Variants in KALRN observed in about 807,000 individuals in gnomAD.
KALRN encodes the protein kalirin RhoGEF kinase.
A neutral mutation model predicts 353.7 loss-of-function variants in KALRN; 70 were observed. The observed-to-expected ratio is 0.20, with a 90% CI of 0.16 to 0.24. The LOEUF is 0.24. Among genes scored for constraint, KALRN ranks in the 10% least tolerant of loss-of-function variants. The pLI, the probability that KALRN is intolerant of heterozygous loss-of-function variation, is 1.00. For missense variants in KALRN, 2,791 were observed against 3,756.7 expected, an observed-to-expected ratio of 0.74 and a Z score of 6.72; for synonymous variants, 1,391 against 1,434.8, an observed-to-expected ratio of 0.97 and a Z score of 0.69.
intron 34 of KALRN, among the ~76,000 whole-genome samples, chr3:124,630,653 C>CT (rs911775244): frequency 6.6e-6 from 1 of 152,180 alleles, no homozygotes; most frequent in East Asian, 1.9e-4. Context: ...CAAGTTAACT[C>CT]TTTAAGTCTG....
intron 5 of KALRN, among the ~76,000 whole-genome samples, chr3:124,296,428 G>C (rs1370130032): frequency 6.6e-6 from 1 of 152,140 alleles, no homozygotes; most frequent in Non-Finnish European, 1.5e-5. Context: ...CCTGCTCCCA[G>C]TAGCTCTCAA....
intron 1 of KALRN, among the ~76,000 whole-genome samples, 196 bp from the exon 2 acceptor site, chr3:124,227,794 C>G (rs1050670806): frequency 3.4e-5 from 5 of 146,888 alleles, no homozygotes; most frequent in African/African-American, 1.3e-4. Context: ...CAGCCCTGAT[C>G]ACCCCTATGG....
chr3:124,313,476 G>C (rs948987268), intron 6 of KALRN, among the ~76,000 whole-genome samples: 1 of 152,166 alleles, frequency 6.6e-6, no homozygotes, highest in African/African-American at 2.4e-5. Context: ...CTTTTCTTCT[G>C]ACTCAGTAGG....
chr3:124,481,298 C>G (rs1220716200), intron 27 of KALRN, among the ~76,000 whole-genome samples: 5 of 152,158 alleles, frequency 3.3e-5, no homozygotes, highest in Non-Finnish European at 7.3e-5. Flanking sequence ...CCTTGACCTT[C>G]TGGGCTCAAG....
In KALRN at chr3:124,330,246, TCACACACA is replaced by T. The variant is rs774251256; in HGVS notation, c.1416+288_1416+295del. On this transcript the variant is annotated intron_variant, in intron 8 of 59. Transcript: ENST00000682506. Reference sequence around the variant, plus strand: ...CGCATTCATTCTCTCTCTCTCTCTCTCACACACACACACACACACACACACACACACAC... The same window carrying T: ...CGCATTCATTCTCTCTCTCTCTCTCTCACACACACACACACACACACACAC... Among the ~76,000 whole-genome samples, 386 of 134,360 alleles carry T rather than the reference TCACACACA, an allele frequency of 2.9e-3. 1 individual carries two copies. The highest frequency in any genetic ancestry group is 6.3e-3 in the African/African-American group (230 of 36,390). 88.1% of individuals were successfully genotyped at this position (134,360 alleles called of 152,430 possible).
At chr3:124,525,794 A>C (rs1245849006) in intron 33 of KALRN, among the ~76,000 whole-genome samples, 1 of 152,172 alleles carries the variant, frequency 6.6e-6, no homozygotes, top group Non-Finnish European at 1.5e-5. Context: ...TTCTGGGACT[A>C]TTCAACCAAC....
intron 37 of KALRN, among the ~76,000 whole-genome samples, chr3:124,638,928 C>T (rs142884027): frequency 7.6e-4 from 116 of 152,164 alleles, no homozygotes; most frequent in African/African-American, 2.6e-3. Flanking sequence ...TGGGGGTACA[C>T]GAGCAAAATT....
At chr3:124,181,506 C>G (rs1003373352) in intron 1 of KALRN, among the ~76,000 whole-genome samples, 4 of 152,086 alleles carry the variant, frequency 2.6e-5, no homozygotes, top group African/African-American at 9.7e-5. Flanking sequence ...TTAAAAGTTG[C>G]TGGCTTTGGT....
At chr3:124,709,032 A>T (rs527840988) in intron 57 of KALRN, among the ~76,000 whole-genome samples, 4 of 152,296 alleles carry the variant, frequency 2.6e-5, no homozygotes, top group African/African-American at 9.6e-5. Context: ...TCTAGCAAAA[A>T]TATCCTCCAG....
At chr3:124,089,070 A>C (rs1432190504) in intron 1 of KALRN, among the ~76,000 whole-genome samples, 1 of 152,188 alleles carries the variant, frequency 6.6e-6, no homozygotes, top group Non-Finnish European at 1.5e-5. Flanking sequence ...GGACTAAAGC[A>C]AAAAAGGGAC....
At position 124,642,806 on chromosome 3, in the gene KALRN, G is replaced by GTTTTTTTTTTGTTGTTGTTGTTTT. The variant is rs1553707031; in HGVS notation, c.5664+5513_5664+5514insGTTGTTGTTGTTTTTTTTTTTTTT. 3.0e-4 allele frequency among the ~76,000 whole-genome samples: 29 copies of GTTTTTTTTTTGTTGTTGTTGTTTT among 96,816 alleles called. 1 individual carries two copies. Among genetic ancestry groups the GTTTTTTTTTTGTTGTTGTTGTTTT allele is most frequent in the African/African-American group, 1.2e-3 (26 of 22,306 alleles). 63.5% of individuals were successfully genotyped at this position (96,816 alleles called of 152,430 possible). ...TCTGTGGAAGAGATTCCCAAGCCTCGTTTTTTTTTTTTTTTTTTTTGAGAC... is the reference window on the plus strand; with the variant it reads ...TCTGTGGAAGAGATTCCCAAGCCTCGTTTTTTTTTTGTTGTTGTTGTTTTTTTTTTTTTTTTTTTTTTTTGAGAC... On this transcript the variant is annotated intron_variant, in intron 37 of 59. Coordinates refer to ENST00000682506, the MANE Select transcript of KALRN (RefSeq NM_001388419.1).
intron 1 of KALRN, among the ~76,000 whole-genome samples, chr3:124,225,026 G>A (rs2078324370): frequency 6.6e-6 from 1 of 152,098 alleles, no homozygotes; most frequent in Non-Finnish European, 1.5e-5. Flanking sequence ...ACCAAGACAC[G>A]TACCCGATAG....
intron 33 of KALRN, among the ~76,000 whole-genome samples, chr3:124,502,599 C>T (rs1167831195): frequency 2.6e-5 from 4 of 152,154 alleles, no homozygotes; most frequent in Admixed American, 1.3e-4. Context: ...CACTTCATAC[C>T]TCCATCTCCT....
chr3:124,203,493 T>C (rs1269616333), intron 1 of KALRN, among the ~76,000 whole-genome samples: 1 of 152,166 alleles, frequency 6.6e-6, no homozygotes, highest in African/African-American at 2.4e-5. Context: ...TCTTCTATTG[T>C]CCTCAGGGGA....
At position 124,435,669 on chromosome 3, in the gene KALRN, C is replaced by G. The variant is rs564094009; in HGVS notation, c.3048+1144C>G. Among the ~76,000 whole-genome samples, 5 of 152,264 alleles carry G rather than the reference C, an allele frequency of 3.3e-5. No individual in the cohort carries two copies. In the East Asian group the frequency reaches 9.7e-4, roughly 29 times the overall value. ...GCCCTGCAGCCAGGGTGAGAGTCTC[C>G]ACCCCTTCTTTCAGTCCTTTCTGTT... On this transcript the variant is annotated intron_variant, in intron 17 of 59. Coordinates refer to ENST00000682506, the MANE Select transcript of KALRN (RefSeq NM_001388419.1).
At chr3:124,612,012 TAGTC>T (rs1238216602) in intron 34 of KALRN, among the ~76,000 whole-genome samples, 1 of 152,086 alleles carries the variant, frequency 6.6e-6, no homozygotes, top group Non-Finnish European at 1.5e-5. Flanking sequence ...TCTAGCCCAT[TAGTC>T]AGTGTTTTTT....
At chr3:124,160,875 T>C (rs57699085) in intron 1 of KALRN, among the ~76,000 whole-genome samples, 3,144 of 152,290 alleles carry the variant, frequency 0.021, 98 homozygotes, top group African/African-American at 0.072. Context: ...AGGAAAAATA[T>C]TTTGTAAACC....
At chr3:124,714,791 G>A (rs1223236080) in intron 58 of KALRN, among the ~76,000 whole-genome samples, 3 of 152,130 alleles carry the variant, frequency 2.0e-5, no homozygotes, top group South Asian at 4.1e-4. Flanking sequence ...CGAGGTGGGC[G>A]GATCACTTGA....
intron 13 of KALRN, among the ~76,000 whole-genome samples, chr3:124,401,531 A>T (rs1424014838): frequency 6.6e-6 from 1 of 152,022 alleles, no homozygotes; most frequent in Admixed American, 6.6e-5. Context: ...TAAACAAATA[A>T]ATTATTGGAT....
Sources: allele counts gnomAD v4.1 joint callset (sites outside exome capture counted in the v4.1 genomes callset), GRCh38; gene constraint gnomAD v4.1.1; transcripts MANE v1.5; gene names NCBI Gene and HGNC (gene_info 2026-07-23, HGNC 2026-07-21).